RNF216: variants seen among roughly 807,000 people sequenced by gnomAD.
RNF216 encodes E3 ubiquitin-protein ligase RNF216.
Under a neutral mutation model 110.8 loss-of-function variants are expected in RNF216, and 72 were observed. The ratio of observed to expected loss-of-function variants is 0.65; its 90% CI spans 0.54 to 0.79. The LOEUF (loss-of-function observed/expected upper bound fraction) is 0.79. RNF216 is among the 30% of genes least tolerant of loss of function. RNF216 has a pLI of 0.00. For synonymous variants in RNF216, 495 were observed against 407.5 expected (o/e 1.21, Z -2.59); for missense variants, 1,342 against 1,141.2 (o/e 1.18, Z -2.54).
chr7:5,771,069 G>A (rs1232157568), intron 1 of RNF216, among the ~76,000 whole-genome samples: 1 of 152,136 alleles, frequency 6.6e-6, no homozygotes, highest in Admixed American at 6.5e-5. Context: ...GCCTCCCAAA[G>A]TGCTGGGATT....
intron 14 of RNF216, among the ~76,000 whole-genome samples, chr7:5,647,466 T>A (rs1788124931): frequency 6.6e-6 from 1 of 151,626 alleles, no homozygotes; most frequent in South Asian, 2.1e-4. Context: ...CCCAAGTAGC[T>A]GGGACTACAG....
chr7:5,650,198 A>ACT (rs1300010710), intron 14 of RNF216, among the ~76,000 whole-genome samples: 12 of 152,204 alleles, frequency 7.9e-5, no homozygotes, highest in African/African-American at 2.9e-4. Flanking sequence ...CTAAGGAAGA[A>ACT]GCCCAACATT....
chr7:5,695,270 T>C (rs916682590), intron 13 of RNF216, among the ~76,000 whole-genome samples: 1 of 152,154 alleles, frequency 6.6e-6, no homozygotes, highest in East Asian at 1.9e-4. Context: ...CAAAACCACC[T>C]GCGCAGACCC....
chr7:5,667,904 G>A (rs1030080332), intron 13 of RNF216, among the ~76,000 whole-genome samples: 2 of 152,244 alleles, frequency 1.3e-5, no homozygotes, highest in East Asian at 1.9e-4. Flanking sequence ...CATGGGATGG[G>A]AAGGAGGAAG....
At position 5,779,640 on chromosome 7, in the gene RNF216, G is replaced by C. The variant is rs1486319841; in HGVS notation, c.-70+1901C>G. Among the ~76,000 whole-genome samples the C allele has an allele frequency of 3.0e-5, 4 of 135,592 alleles. 1 individual carries two copies. In the South Asian group the frequency reaches 9.5e-4, roughly 32 times the overall value. The allele number at this position is 135,592 out of a possible 152,430, so 89.0% of individuals were successfully genotyped here. A position where few individuals can be genotyped will look rare whatever the true frequency, so the allele number is the denominator to read the frequency against. ...TTAAACCCAGGAGTTGGGCAGCACA[G>C]CTAGACTCCGTCTCTTAAAAAAAAA... On this transcript the variant is annotated intron_variant, in intron 1 of 16. Coordinates refer to ENST00000389902, the MANE Select transcript of RNF216 (RefSeq NM_207111.4).
intron 13 of RNF216, among the ~76,000 whole-genome samples, chr7:5,693,118 C>A (rs181127415): frequency 6.6e-6 from 1 of 152,166 alleles, no homozygotes; most frequent in Non-Finnish European, 1.5e-5. Flanking sequence ...GTATATGCTA[C>A]GGGTTGGCAA....
chr7:5,629,504 G>A (rs1300087935), intron 15 of RNF216, among the ~76,000 whole-genome samples: 1 of 151,990 alleles, frequency 6.6e-6, no homozygotes, highest in Non-Finnish European at 1.5e-5. Flanking sequence ...CTTAAAAATG[G>A]CAAATTTTAT....
chr7:5,724,454 C>T (rs956318046), intron 8 of RNF216, among the ~76,000 whole-genome samples: 1 of 152,200 alleles, frequency 6.6e-6, no homozygotes, highest in Non-Finnish European at 1.5e-5. Context: ...TACAAGGATG[C>T]CTGTTCTGAA....
intron 15 of RNF216, among the ~76,000 whole-genome samples, chr7:5,629,127 G>A (rs1186413336): frequency 6.6e-5 from 10 of 151,618 alleles, no homozygotes; most frequent in Non-Finnish European, 2.9e-5. Context: ...AGCTGCAGGT[G>A]GAGATTGCAA....
intron 2 of RNF216, among the ~76,000 whole-genome samples, chr7:5,757,212 T>A (rs183295002): frequency 6.6e-6 from 1 of 152,338 alleles, no homozygotes; most frequent in Admixed American, 6.5e-5. Context: ...AAATCCCCAC[T>A]ATAATGGTGG....
At chr7:5,772,872 G>A (rs562617182) in intron 1 of RNF216, among the ~76,000 whole-genome samples, 12 of 149,734 alleles carry the variant, frequency 8.0e-5, no homozygotes, top group South Asian at 4.2e-4. Context: ...TCTGCATCCC[G>A]GGTTCAAGCA....
chr7:5,746,533 T>C (rs1795039428), intron 3 of RNF216, among the ~76,000 whole-genome samples: 1 of 152,154 alleles, frequency 6.6e-6, no homozygotes. Flanking sequence ...TGTGGATTCC[T>C]TTTCTTGCAG....
rs754696892 is a variant in RNF216, at chr7:5,641,416, T to C, written c.2160-40A>G. Reference sequence around the variant, plus strand: ...CATAATTTGGAGCTGGGAGGGAAGATGAGGAGGAAAAAAATATGGCCATTA... The same window carrying C: ...CATAATTTGGAGCTGGGAGGGAAGACGAGGAGGAAAAAAATATGGCCATTA... On this transcript the variant is annotated intron_variant, in intron 14 of 16. Transcript: ENST00000389902. 4.6e-6 allele frequency: 7 copies of C among 1,536,042 alleles called. No individual in the cohort carries two copies. The Admixed American group carries it at 8.8e-5, about 19-fold the overall frequency.
At chr7:5,642,016 G>A (rs1171077413) in intron 14 of RNF216, among the ~76,000 whole-genome samples, 2 of 123,278 alleles carry the variant, frequency 1.6e-5, no homozygotes, top group African/African-American at 6.4e-5. Context: ...CTATGTAACA[G>A]AGTGAGACTC....
intron 7 of RNF216, 46 bp from the exon 8 acceptor site, chr7:5,725,484 A>C (rs374043397): frequency 9.2e-7 from 1 of 1,082,414 alleles, no homozygotes; most frequent in African/African-American, 1.6e-5. Context: ...ATAGAAAATA[A>C]GAATACACGA....
intron 13 of RNF216, among the ~76,000 whole-genome samples, chr7:5,667,614 A>C (rs1287597258): frequency 6.6e-6 from 1 of 152,216 alleles, no homozygotes; most frequent in African/African-American, 2.4e-5. Context: ...GGGCAGAAAC[A>C]AGCCAGGCTG....
chr7:5,633,223 C>A (rs1023514348), intron 15 of RNF216, among the ~76,000 whole-genome samples: 1 of 151,940 alleles, frequency 6.6e-6, no homozygotes, highest in African/African-American at 2.4e-5. Context: ...GTGATCCACC[C>A]GCCTTGGCCT....
At chr7:5,766,103 G>C (rs932818023) in intron 1 of RNF216, among the ~76,000 whole-genome samples, 3 of 151,988 alleles carry the variant, frequency 2.0e-5, no homozygotes, top group African/African-American at 7.2e-5. Context: ...GGGCAATATA[G>C]CTAGACCCTG....
rs190058330 is a variant in RNF216 at position 5,707,368 on chromosome 7, C to G, written c.2061+4393G>C. ...TTACCCACTCCTTGGTTAAGTTGTT[C>G]CTAAGTATTCCAACTTTTTTGATGT... On this transcript the variant is annotated intron_variant, in intron 13 of 16. Coordinates refer to ENST00000389902, the MANE Select transcript of RNF216 (RefSeq NM_207111.4). 2.0e-5 allele frequency among the ~76,000 whole-genome samples: 3 copies of G among 152,222 alleles called. No homozygotes were observed. The East Asian group carries it at 5.8e-4, about 29-fold the overall frequency.
Sources: allele counts gnomAD v4.1 joint callset (sites outside exome capture counted in the v4.1 genomes callset), GRCh38; gene constraint gnomAD v4.1.1; transcripts MANE v1.5; gene names NCBI Gene and HGNC (gene_info 2026-07-23, HGNC 2026-07-21).